The following ZNF521 variants were observed in gnomAD, a reference collection of about 807,000 sequenced individuals.
ZNF521 encodes zinc finger protein 521, also known as LYST-interacting protein 3.
A neutral mutation model predicts 105.5 loss-of-function variants in ZNF521; 14 were observed. The observed-to-expected ratio is 0.13, with a 90% CI of 0.09 to 0.21. The LOEUF (loss-of-function observed/expected upper bound fraction) is 0.21. Ranked by LOEUF, ZNF521 falls within the 10% of genes least tolerant of loss-of-function variation. The pLI is 1.00. For missense variants in ZNF521, 1,233 were observed against 1,629.7 expected (o/e 0.76, Z 4.19); for synonymous variants, 635 against 606.0 (o/e 1.05, Z -0.70).
At chr18:25,272,063 G>C (rs1378982091) in intron 3 of ZNF521, among the ~76,000 whole-genome samples, 2 of 151,734 alleles carry the variant, frequency 1.3e-5, no homozygotes. Context: ...AAACAAATTT[G>C]CAAGAAAAAA....
At chr18:25,322,540 A>T (rs1417104139) in intron 2 of ZNF521, among the ~76,000 whole-genome samples, 1 of 149,612 alleles carries the variant, frequency 6.7e-6, no homozygotes, top group Admixed American at 6.6e-5. Context: ...CAATGCAAAA[A>T]AAAAAAAAAA....
intron 3 of ZNF521, among the ~76,000 whole-genome samples, chr18:25,260,486 C>A (rs1211539078): frequency 6.6e-6 from 1 of 152,028 alleles, no homozygotes; most frequent in Non-Finnish European, 1.5e-5. Flanking sequence ...TTCTTCAGAA[C>A]CTCAGCATCT....
intron 4 of ZNF521, among the ~76,000 whole-genome samples, chr18:25,196,092 CAATA>C (rs1457320190): frequency 1.3e-5 from 2 of 151,684 alleles, no homozygotes; most frequent in African/African-American, 4.8e-5. Flanking sequence ...TAGATGAACT[CAATA>C]AATAGAGTAT....
At chr18:25,091,892 G>A (rs2033755325) in intron 6 of ZNF521, 58 bp downstream of exon 6, 2 of 1,589,408 alleles carry the variant, frequency 1.3e-6, no homozygotes, top group Non-Finnish European at 1.7e-6. Context: ...TGCTTTGGTA[G>A]GAAAGACATG....
At chr18:25,151,937 G>T (rs1394360906) in intron 5 of ZNF521, among the ~76,000 whole-genome samples, 1 of 152,146 alleles carries the variant, frequency 6.6e-6, no homozygotes, top group Non-Finnish European at 1.5e-5. Context: ...ATGGAACGGG[G>T]GTTGGCAGAT....
chr18:25,325,262 G>C (rs1363953845), intron 2 of ZNF521, among the ~76,000 whole-genome samples: 1 of 152,150 alleles, frequency 6.6e-6, no homozygotes, highest in Non-Finnish European at 1.5e-5. Flanking sequence ...AGTTGATGTA[G>C]GAAGATTCTA....
chr18:25,097,241 T>A (rs2033871163), intron 5 of ZNF521, among the ~76,000 whole-genome samples: 1 of 152,152 alleles, frequency 6.6e-6, no homozygotes, highest in Non-Finnish European at 1.5e-5. Flanking sequence ...TCCAGGGCCA[T>A]AGCACTCAGC....
At chr18:25,196,341 T>C (rs1811737763) in intron 4 of ZNF521, among the ~76,000 whole-genome samples, 1 of 151,684 alleles carries the variant, frequency 6.6e-6, no homozygotes, top group Non-Finnish European at 1.5e-5. Flanking sequence ...GTTTTACTGA[T>C]GGTATTAATA....
chr18:25,229,404 C>G (rs1450252396), intron 3 of ZNF521, among the ~76,000 whole-genome samples: 2 of 152,164 alleles, frequency 1.3e-5, no homozygotes. Context: ...GATTTTGCAT[C>G]CTCATTTATA....
intron 2 of ZNF521, among the ~76,000 whole-genome samples, chr18:25,339,759 A>C (rs114807296): frequency 0.011 from 1,606 of 152,326 alleles, 32 homozygotes; most frequent in African/African-American, 0.033. Context: ...CCAGGAAATG[A>C]AGTGCCACAA....
At chr18:25,150,465 C>G (rs1006558343) in intron 5 of ZNF521, among the ~76,000 whole-genome samples, 1 of 152,138 alleles carries the variant, frequency 6.6e-6, no homozygotes, top group African/African-American at 2.4e-5. Context: ...TAAATAAGTA[C>G]AGGCTAAAGG....
chr18:25,072,787 C>A (rs1028376003), intron 7 of ZNF521, among the ~76,000 whole-genome samples: 3 of 152,166 alleles, frequency 2.0e-5, no homozygotes, highest in Non-Finnish European at 4.4e-5. Context: ...CTTTGATAGG[C>A]AATACTGTCT....
At chr18:25,165,397 G>T (rs1413956356) in intron 5 of ZNF521, among the ~76,000 whole-genome samples, 1 of 152,164 alleles carries the variant, frequency 6.6e-6, no homozygotes, top group South Asian at 2.1e-4. Flanking sequence ...AATCCCTGTG[G>T]AAGCTTCTTC....
At chr18:25,224,307 A>G in intron 4 of ZNF521, 38 bp downstream of exon 4, 1 of 1,542,330 alleles carries the variant, frequency 6.5e-7, no homozygotes, top group East Asian at 2.3e-5. Context: ...CCGTTTCTTG[A>G]GGAGGTTAAA....
intron 7 of ZNF521, among the ~76,000 whole-genome samples, chr18:25,077,839 C>G (rs79816886): frequency 0.089 from 13,571 of 151,770 alleles, 1,157 homozygotes; most frequent in African/African-American, 0.22. Flanking sequence ...AAGAGGGAGG[C>G]GGGGAGAATT....
chr18:25,239,443 G>A (rs767812251), intron 3 of ZNF521, among the ~76,000 whole-genome samples: 8 of 152,192 alleles, frequency 5.3e-5, no homozygotes, highest in South Asian at 2.1e-4. Context: ...TTCAAGCTGC[G>A]TTAGCTAGAT....
At chr18:25,093,925 T>C (rs181518171) in intron 5 of ZNF521, among the ~76,000 whole-genome samples, 2 of 152,308 alleles carry the variant, frequency 1.3e-5, no homozygotes, top group East Asian at 1.9e-4. Context: ...TTGTAAGAAA[T>C]TGGATTGGCA....
chr18:25,208,310 T>C (rs1384859038), intron 4 of ZNF521, among the ~76,000 whole-genome samples: 2 of 152,208 alleles, frequency 1.3e-5, no homozygotes, highest in African/African-American at 4.8e-5. Flanking sequence ...TGCCACACAT[T>C]TGAAACTCAA....
intron 5 of ZNF521, among the ~76,000 whole-genome samples, chr18:25,151,351 G>T (rs2035044480): frequency 6.6e-6 from 1 of 152,034 alleles, no homozygotes; most frequent in South Asian, 2.1e-4. Context: ...GACCCTCTTA[G>T]GCATGTTCAT....
Sources: allele counts gnomAD v4.1 joint callset (sites outside exome capture counted in the v4.1 genomes callset), GRCh38; gene constraint gnomAD v4.1.1; transcripts MANE v1.5; gene names NCBI Gene and HGNC (gene_info 2026-07-23, HGNC 2026-07-21).